Variants in IMMP2L observed in about 807,000 individuals in gnomAD.
IMMP2L encodes the protein inner mitochondrial membrane peptidase subunit 2.
In IMMP2L, 18 loss-of-function variants were observed where a neutral mutation model predicts 19.3. The ratio of observed to expected loss-of-function variants is 0.93; its 90% CI spans 0.64 to 1.38. The LOEUF is 1.38. Among genes scored for constraint, IMMP2L ranks in the 40% most tolerant of loss-of-function variants. The pLI is 0.00. For missense variants in IMMP2L, 233 were observed against 218.2 expected (o/e 1.07, Z -0.43); for synonymous variants, 76 against 73.0 (o/e 1.04, Z -0.21).
chr7:111,392,052 G>C (rs1432954651), intron 3 of IMMP2L: 1 of 698,232 alleles, frequency 1.4e-6, no homozygotes, highest in Non-Finnish European at 2.6e-6. Flanking sequence ...TTACCAGCTT[G>C]ATTGCATTTA....
chr7:110,942,062 T>C (rs977306937), intron 4 of IMMP2L, among the ~76,000 whole-genome samples: 1 of 151,990 alleles, frequency 6.6e-6, no homozygotes, highest in Admixed American at 6.6e-5. Context: ...CTGTTGGTAA[T>C]AAAACAATTT....
At chr7:111,124,889 A>C in intron 3 of IMMP2L, 1 of 1,576,476 alleles carries the variant, frequency 6.3e-7, no homozygotes, top group Non-Finnish European at 8.6e-7. Flanking sequence ...TTACCAACAA[A>C]TATGTCCTAA....
chr7:111,334,740 T>C (rs1826223460), intron 3 of IMMP2L, among the ~76,000 whole-genome samples: 1 of 152,208 alleles, frequency 6.6e-6, no homozygotes, highest in Middle Eastern at 3.4e-3. Context: ...TCCCTAGAAG[T>C]TGATGGCACT....
At chr7:110,863,234 T>G (rs1585065321) in intron 5 of IMMP2L, among the ~76,000 whole-genome samples, 1 of 152,106 alleles carries the variant, frequency 6.6e-6, no homozygotes. Flanking sequence ...TTTCCTTACA[T>G]TTTACTCACT....
At chr7:110,949,852 T>A (rs1817614886) in intron 4 of IMMP2L, among the ~76,000 whole-genome samples, 1 of 152,142 alleles carries the variant, frequency 6.6e-6, no homozygotes, top group Non-Finnish European at 1.5e-5. Context: ...AGTACTTCCA[T>A]GGAAAGTTTT....
chr7:110,698,557 C>T (rs1279358889), intron 5 of IMMP2L, among the ~76,000 whole-genome samples: 1 of 152,130 alleles, frequency 6.6e-6, no homozygotes, highest in Admixed American at 6.5e-5. Flanking sequence ...TTCTAGAATT[C>T]AGAAGTGATG....
Position 110,870,940 on chromosome 7 carries a change from A to T in IMMP2L, c.408+15653T>A, listed in dbSNP as rs982823192. ...AGCTGCCACAGAGACGCTGACGTTT[A>T]GAAGATGAAGAGGGGAAGCATGCAG... On this transcript the variant is annotated intron_variant, in intron 5 of 5. Transcript: ENST00000405709. The surrounding 1 kb of genome is among the most constrained non-coding windows in gnomAD (Gnocchi z 4.2). 1.3e-5 allele frequency among the ~76,000 whole-genome samples: 2 copies of T among 152,174 alleles called. No individual in the cohort carries two copies. The highest frequency in any genetic ancestry group is 2.9e-5 in the Non-Finnish European group (2 of 68,026).
intron 3 of IMMP2L, among the ~76,000 whole-genome samples, chr7:111,370,956 A>G (rs1174123356): frequency 1.3e-5 from 2 of 151,826 alleles, no homozygotes; most frequent in Non-Finnish European, 1.5e-5. Context: ...ATTTTATTAT[A>G]TAAGATTTTT....
chr7:111,310,411 ACT>A (rs1339134569), intron 3 of IMMP2L, among the ~76,000 whole-genome samples: 1 of 151,928 alleles, frequency 6.6e-6, no homozygotes, highest in Non-Finnish European at 1.5e-5. Context: ...GAGACAAGAA[ACT>A]CTATAGCTTA....
At chr7:111,529,949 GT>G (rs1301006856) in intron 1 of IMMP2L, among the ~76,000 whole-genome samples, 1 of 152,122 alleles carries the variant, frequency 6.6e-6, no homozygotes, top group African/African-American at 2.4e-5. Flanking sequence ...CTGATTTTTG[GT>G]AAGGACTCCT....
intron 1 of IMMP2L, among the ~76,000 whole-genome samples, chr7:111,546,629 A>G (rs543804640): frequency 1.3e-5 from 2 of 152,160 alleles, no homozygotes; most frequent in East Asian, 3.9e-4. Flanking sequence ...TACTTCCACT[A>G]TGTCTTTGTT....
intron 5 of IMMP2L, among the ~76,000 whole-genome samples, chr7:110,683,717 T>A (rs1011369425): frequency 6.6e-6 from 1 of 152,154 alleles, no homozygotes; most frequent in Non-Finnish European, 1.5e-5. Flanking sequence ...CCAATGTCAG[T>A]CCTAGTATTG....
At position 110,684,732 on chromosome 7, in the gene IMMP2L, C is replaced by T. The variant is rs1193236136; in HGVS notation, c.409-21011G>A. 2.6e-5 allele frequency among the ~76,000 whole-genome samples: 4 copies of T among 152,166 alleles called. No individual in the cohort carries two copies. The East Asian group carries it at 7.8e-4, about 30-fold the overall frequency. ...GATGAAGGTTTCACTTTATTTGGCA[C>T]TGCTGTCCTCGTGCATGTTCTGTGC... On this transcript the variant is annotated intron_variant, in intron 5 of 5. Transcript: ENST00000405709.
At chr7:111,214,386 A>G (rs1811684651) in intron 3 of IMMP2L, among the ~76,000 whole-genome samples, 1 of 112,512 alleles carries the variant, frequency 8.9e-6, no homozygotes, top group South Asian at 2.9e-4. Context: ...TCTGTCACCC[A>G]GGCTGGAGTG....
At chr7:111,554,387 G>A (rs943266406) in intron 1 of IMMP2L, among the ~76,000 whole-genome samples, 1 of 152,046 alleles carries the variant, frequency 6.6e-6, no homozygotes, top group Non-Finnish European at 1.5e-5. Flanking sequence ...AAGGGAAGAT[G>A]AGAAACCCAA....
At chr7:110,830,671 C>T (rs1046052991) in intron 5 of IMMP2L, among the ~76,000 whole-genome samples, 2 of 152,152 alleles carry the variant, frequency 1.3e-5, no homozygotes, top group African/African-American at 4.8e-5. Flanking sequence ...ACTTGAGAGT[C>T]ATAGTATGGA....
chr7:110,699,475 A>G (rs887256369), intron 5 of IMMP2L, among the ~76,000 whole-genome samples: 6 of 152,158 alleles, frequency 3.9e-5, no homozygotes, highest in Non-Finnish European at 5.9e-5. Flanking sequence ...AATAGAAGAC[A>G]GAAATGGTGA....
In IMMP2L at chr7:111,386,975, A is replaced by T. The variant is rs951022250; in HGVS notation, c.239+100263T>A. 3.9e-5 allele frequency among the ~76,000 whole-genome samples: 6 copies of T among 152,328 alleles called. No homozygotes were observed. In the South Asian group the frequency reaches 1.2e-3, roughly 32 times the overall value. On this transcript the variant is annotated intron_variant, in intron 3 of 5. Transcript: ENST00000405709. ...TAATACCATAAGTTTCTATCTCACC[A>T]TCCATTAATTTTAAATTTGATTTTG... is the stretch of plus-strand genomic sequence containing the variant.
At chr7:111,324,869 A>G (rs1825148675) in intron 3 of IMMP2L, among the ~76,000 whole-genome samples, 1 of 151,836 alleles carries the variant, frequency 6.6e-6, no homozygotes, top group African/African-American at 2.4e-5. Context: ...AATCTAGGGG[A>G]ACAACTGCTC....
Sources: allele counts gnomAD v4.1 joint callset (sites outside exome capture counted in the v4.1 genomes callset), GRCh38; gene constraint gnomAD v4.1.1; non-coding constraint Gnocchi (gnomAD v3.1); transcripts MANE v1.5; gene names NCBI Gene and HGNC (gene_info 2026-07-23, HGNC 2026-07-21).